Variants in GEMIN2 observed in about 807,000 individuals in gnomAD.
GEMIN2 encodes the protein gem nuclear organelle associated protein 2.
A neutral mutation model predicts 45.8 loss-of-function variants in GEMIN2; 37 were observed. That is an observed-to-expected ratio of 0.81 (90% CI 0.62 to 1.06). GEMIN2 has a LOEUF of 1.06. Ranked by LOEUF, GEMIN2 falls within the 50% of genes least tolerant of loss-of-function variation. The pLI is 0.00. For missense variants in GEMIN2, 335 were observed against 321.8 expected, an observed-to-expected ratio of 1.04 and a Z score of -0.31; for synonymous variants, 101 against 111.5, an observed-to-expected ratio of 0.91 and a Z score of 0.60.
Position 39,136,645 on chromosome 14 carries a change from T to G in GEMIN2, c.*166T>G. On this transcript the variant is annotated 3_prime_UTR_variant, in exon 10 of 10. Coordinates refer to ENST00000308317, the MANE Select transcript of GEMIN2 (RefSeq NM_003616.3). ...ATTGATACTCAGAATATGGGTTGAT[T>G]TGAATATCTGAAATATCAATGGAAA... 1 of 527,362 alleles carries G rather than the reference T, an allele frequency of 1.9e-6. No homozygotes were observed. The highest frequency in any genetic ancestry group is 3.3e-6 in the Non-Finnish European group (1 of 298,522). The allele number at this position is 527,362 out of a possible 1,614,324, so 32.7% of individuals were successfully genotyped here.
chr14:39,127,664 G>A (rs1279165724), intron 6 of GEMIN2, among the ~76,000 whole-genome samples: 1 of 152,088 alleles, frequency 6.6e-6, no homozygotes, highest in African/African-American at 2.4e-5. Context: ...TTTTAACCTT[G>A]TGAAGTCTTT....
chr14:39,135,586 CA>C (rs1328044265), intron 9 of GEMIN2, among the ~76,000 whole-genome samples: 11 of 121,818 alleles, frequency 9.0e-5, no homozygotes, highest in Non-Finnish European at 6.9e-5. Flanking sequence ...AACTCCATCT[CA>C]AAAAAAAAAG....
At chr14:39,131,408 ATTC>A (rs1566536902) in intron 7 of GEMIN2, among the ~76,000 whole-genome samples, 2 of 152,178 alleles carry the variant, frequency 1.3e-5, no homozygotes, top group Non-Finnish European at 2.9e-5. Flanking sequence ...TGCTTGTGGT[ATTC>A]TTCACAGTTT....
chr14:39,123,040 A>G (rs2052593995), intron 5 of GEMIN2, among the ~76,000 whole-genome samples: 1 of 152,144 alleles, frequency 6.6e-6, no homozygotes, highest in Non-Finnish European at 1.5e-5. Flanking sequence ...CTATCACTTC[A>G]TGGGCCTGTA....
intron 4 of GEMIN2, among the ~76,000 whole-genome samples, chr14:39,118,855 G>A (rs1275437214): frequency 1.3e-5 from 2 of 149,278 alleles, no homozygotes; most frequent in African/African-American, 5.0e-5. Flanking sequence ...GCTCACTGCA[G>A]CCTTGACCTC....
At chr14:39,129,871 T>C (rs1344217687) in intron 7 of GEMIN2, among the ~76,000 whole-genome samples, 1 of 150,462 alleles carries the variant, frequency 6.6e-6, no homozygotes, top group Non-Finnish European at 1.5e-5. Flanking sequence ...AAAAAGTCAA[T>C]GAAAGAGTTG....
At position 39,114,704 on chromosome 14, in the gene GEMIN2, C is replaced by G. The variant is rs1453080357; in HGVS notation, c.138-125C>G. 16 of 676,484 alleles carry G rather than the reference C, an allele frequency of 2.4e-5. No homozygotes were observed. The South Asian group carries it at 2.9e-4, about 12-fold the overall frequency. 41.9% of individuals were successfully genotyped at this position (676,484 alleles called of 1,614,324 possible). On this transcript the variant is annotated intron_variant, in intron 1 of 9. Coordinates refer to ENST00000308317, the MANE Select transcript of GEMIN2 (RefSeq NM_003616.3). The stretch of plus-strand genomic sequence containing the variant: ...ATTTCAGAAATACATTGTTTAGTAC[C>G]TCAATTGGAAGTCTGAATTTTTTTC...
At chr14:39,117,207 G>A (rs1207466669) in intron 2 of GEMIN2, among the ~76,000 whole-genome samples, 1 of 148,932 alleles carries the variant, frequency 6.7e-6, no homozygotes, top group African/African-American at 2.5e-5. Flanking sequence ...GGGAGACGGA[G>A]ATTGCAGTGA....
chr14:39,135,665 T>A (rs1042617637), intron 9 of GEMIN2, among the ~76,000 whole-genome samples: 2 of 150,174 alleles, frequency 1.3e-5, no homozygotes, highest in Admixed American at 1.3e-4. Flanking sequence ...CTTTGGGAGG[T>A]CAAGGTGGGA....
At chr14:39,117,917 G>A in intron 2 of GEMIN2, 82 bp from the exon 3 acceptor site, 1 of 615,708 alleles carries the variant, frequency 1.6e-6, no homozygotes, top group Non-Finnish European at 2.9e-6. Context: ...CTTTATCTTG[G>A]TTTTACTTTT....
At chr14:39,117,530 C>A (rs1267574764) in intron 2 of GEMIN2, among the ~76,000 whole-genome samples, 1 of 152,136 alleles carries the variant, frequency 6.6e-6, no homozygotes, top group East Asian at 1.9e-4. Context: ...TGGGAACATT[C>A]AAATCTTCTA....
At position 39,123,704 on chromosome 14, in the gene GEMIN2, ATATATTTTTTTTTT is replaced by A. The variant is rs1237791793; in HGVS notation, c.486+1163_486+1176del. 1.9e-4 allele frequency among the ~76,000 whole-genome samples: 10 copies of A among 52,670 alleles called. 1 individual carries two copies. Among genetic ancestry groups the A allele is most frequent in the Non-Finnish European group, 2.7e-4 (8 of 29,846 alleles). 34.6% of individuals were successfully genotyped at this position (52,670 alleles called of 152,430 possible). A position where few individuals can be genotyped will look rare whatever the true frequency, so the allele number is the denominator to read the frequency against. On this transcript the variant is annotated intron_variant, in intron 5 of 9. Transcript: ENST00000308317. ...AAAATAGCTATATATATATATATAT[ATATATTTTTTTTTT>A]TTTTTTTTTTTTTTTTTTTTGAGAC...
intron 4 of GEMIN2, chr14:39,121,903 G>T (rs8008726): frequency 0.29 from 48,127 of 167,020 alleles, 8,237 homozygotes; most frequent in Non-Finnish European, 0.37. Flanking sequence ...TGTATTTTTA[G>T]TAGAGGTGGG....
At position 39,118,013 on chromosome 14, in the gene GEMIN2, A is replaced by C. The variant is rs1223689459; in HGVS notation, c.237A>C (p.Gln79His). 6.2e-7 allele frequency: 1 copy of C among 1,600,962 alleles called. No individual in the cohort carries two copies. Among genetic ancestry groups the C allele is most frequent in the South Asian group, 1.1e-5 (1 of 90,242 alleles). Reference protein sequence around the residue: ...QSVNISLSGCQPAPEGYSPTL... With the variant: ...QSVNISLSGCHPAPEGYSPTL... Reference sequence around the variant, plus strand: ...TTGATCTCTAGCTTTCAGGATGCCAACCCGCCCCTGAAGGTTATTCCCCAA... The same window carrying C: ...TTGATCTCTAGCTTTCAGGATGCCACCCCGCCCCTGAAGGTTATTCCCCAA... Residue 79 changes from glutamine to histidine, a missense_variant, in exon 3 of 10, where the codon CAA (glutamine) becomes CAC (histidine). By Grantham distance (24) the Gln-to-His change is conservative (BLOSUM62 0). Coordinates refer to ENST00000308317, the MANE Select transcript of GEMIN2 (RefSeq NM_003616.3).
intron 4 of GEMIN2, among the ~76,000 whole-genome samples, chr14:39,121,029 C>A (rs1213671893): frequency 6.6e-6 from 1 of 152,188 alleles, no homozygotes; most frequent in Non-Finnish European, 1.5e-5. Context: ...CTTTTTCTGT[C>A]TGGCAGCATG....
intron 4 of GEMIN2, among the ~76,000 whole-genome samples, chr14:39,120,665 T>C (rs1040807994): frequency 4.6e-5 from 7 of 152,278 alleles, no homozygotes; most frequent in East Asian, 1.9e-4. Context: ...TTTGCTCTTG[T>C]TGCCCAGTCT....
intron 4 of GEMIN2, among the ~76,000 whole-genome samples, chr14:39,119,311 G>A (rs907786352): frequency 2.6e-5 from 4 of 152,184 alleles, no homozygotes; most frequent in African/African-American, 9.6e-5. Flanking sequence ...TCTGCTTAAT[G>A]TGATGAGTCT....
At chr14:39,128,118 C>T (rs1566535101) in intron 6 of GEMIN2, among the ~76,000 whole-genome samples, 162 bp from the exon 7 acceptor site, 1 of 142,316 alleles carries the variant, frequency 7.0e-6, no homozygotes, top group Non-Finnish European at 1.5e-5. Context: ...GCCGCCTAAT[C>T]AAACTAATTA....
At chr14:39,131,033 C>T (rs61999435) in intron 7 of GEMIN2, among the ~76,000 whole-genome samples, 3,706 of 152,130 alleles carry the variant, frequency 0.024, 60 homozygotes, top group Middle Eastern at 0.082. Context: ...CATGGTGGCT[C>T]ACGCCTGTAA....
Sources: gnomAD v4.1 joint callset for allele counts (sites outside exome capture counted in the v4.1 genomes callset) on GRCh38, gnomAD v4.1.1 for gene constraint, MANE v1.5 for transcripts, NCBI Gene and HGNC (gene_info 2026-07-23, HGNC 2026-07-21) for gene names.